DPF3: variants seen among roughly 807,000 people sequenced by gnomAD.
DPF3 encodes the protein zinc finger protein DPF3.
In DPF3, 18 loss-of-function variants were observed where a neutral mutation model predicts 56.8. That is an observed-to-expected ratio of 0.32 (90% CI 0.22 to 0.47). The LOEUF is 0.47. Ranked by LOEUF, DPF3 falls within the 20% of genes least tolerant of loss-of-function variation. The pLI, the probability that DPF3 is intolerant of heterozygous loss-of-function variation, is 1.00. For missense variants in DPF3, 403 were observed against 488.8 expected, an observed-to-expected ratio of 0.82 and a Z score of 1.65; for synonymous variants, 188 against 180.2, an observed-to-expected ratio of 1.04 and a Z score of -0.35.
intron 8 of DPF3, chr14:72,674,018 C>A (rs1215112170): frequency 3.2e-6 from 2 of 616,690 alleles, no homozygotes; most frequent in Non-Finnish European, 5.2e-6. Flanking sequence ...GACACAAACC[C>A]AAAACTTCTC....
chr14:72,806,816 G>C (rs1599458980), intron 1 of DPF3: 1 of 152,082 alleles, frequency 6.6e-6, no homozygotes, highest in African/African-American at 2.4e-5. Flanking sequence ...CTAAGTGGTG[G>C]GCTCCTGGAG....
At chr14:72,787,293 C>A (rs1252049310) in intron 1 of DPF3, among the ~76,000 whole-genome samples, 1 of 152,192 alleles carries the variant, frequency 6.6e-6, no homozygotes, top group Admixed American at 6.5e-5. Flanking sequence ...GCGGGTCTGC[C>A]CCTGTTAGGC....
intron 1 of DPF3, among the ~76,000 whole-genome samples, chr14:72,799,324 C>T (rs116634122): frequency 5.9e-4 from 90 of 152,314 alleles, no homozygotes; most frequent in African/African-American, 2.1e-3. Context: ...ACTCTACCCT[C>T]CAACTTCAGA....
intron 1 of DPF3, among the ~76,000 whole-genome samples, chr14:72,820,179 T>G (rs1480826053): frequency 6.6e-6 from 1 of 152,242 alleles, no homozygotes; most frequent in African/African-American, 2.4e-5. Flanking sequence ...TTAAAAGAAC[T>G]TTTTAAAAGT....
chr14:72,645,765 C>T (rs1300388684), intron 8 of DPF3, among the ~76,000 whole-genome samples: 3 of 152,174 alleles, frequency 2.0e-5, no homozygotes, highest in African/African-American at 7.2e-5. Flanking sequence ...AAGTATTTGC[C>T]ACATCCCACA....
intron 1 of DPF3, among the ~76,000 whole-genome samples, chr14:72,861,788 A>AAAGAAAGAAAGCAAGC (rs1567261286): frequency 1.3e-5 from 2 of 151,152 alleles, no homozygotes; most frequent in Admixed American, 1.3e-4. Context: ...AGAAAGAAAG[A>AAAGAAAGAAAGCAAGC]AAGAAAGAAA....
chr14:72,723,870 C>T (rs988658574), intron 4 of DPF3, 142 bp from the exon 5 acceptor site: 2 of 736,072 alleles, frequency 2.7e-6, no homozygotes, highest in East Asian at 2.9e-5. Context: ...CAGTTGGGCC[C>T]TCTGAAATGC....
chr14:72,613,283 G>A lies in DPF3; in HGVS notation c.*6014C>T, dbSNP rs188677402. On this transcript the variant is annotated 3_prime_UTR_variant, in exon 11 of 11. Transcript: ENST00000556509. ...CTGCCCTCCCGTCCCCACCATGGCC[G>A]CGTTTATTTGCTAGACAGGGTTGGT... 1.3e-3 allele frequency among the ~76,000 whole-genome samples: 198 copies of A among 152,198 alleles called. No homozygotes were observed. The highest frequency in any genetic ancestry group is 4.2e-3 in the African/African-American group (176 of 41,520).
intron 1 of DPF3, among the ~76,000 whole-genome samples, chr14:72,850,073 C>T (rs1050251608): frequency 6.6e-6 from 1 of 151,814 alleles, no homozygotes; most frequent in Non-Finnish European, 1.5e-5. Flanking sequence ...GAGCCGAGAT[C>T]ATACCACTGC....
At chr14:72,812,115 A>G (rs1883072741) in intron 1 of DPF3, among the ~76,000 whole-genome samples, 2 of 151,996 alleles carry the variant, frequency 1.3e-5, no homozygotes, top group Admixed American at 6.5e-5. Flanking sequence ...CATGTTAAAG[A>G]CCAAGTTAAA....
intron 5 of DPF3, among the ~76,000 whole-genome samples, chr14:72,718,656 T>C (rs1360143666): frequency 6.6e-6 from 1 of 152,080 alleles, no homozygotes; most frequent in Non-Finnish European, 1.5e-5. Flanking sequence ...ATGGCAAATA[T>C]CATTAGTGGT....
At chr14:72,780,078 G>A (rs752197812) in intron 1 of DPF3, among the ~76,000 whole-genome samples, 9 of 152,230 alleles carry the variant, frequency 5.9e-5, no homozygotes, top group Non-Finnish European at 1.2e-4. Flanking sequence ...GAGTGAATGA[G>A]TGAATGAATG....
intron 1 of DPF3, among the ~76,000 whole-genome samples, chr14:72,868,131 C>G (rs1286420881): frequency 6.6e-6 from 1 of 152,140 alleles, no homozygotes; most frequent in East Asian, 1.9e-4. Context: ...AGGTACTGAT[C>G]TTTTTTTAAA....
chr14:72,639,008 G>C (rs1052124461), intron 8 of DPF3, among the ~76,000 whole-genome samples: 1 of 151,970 alleles, frequency 6.6e-6, no homozygotes, highest in African/African-American at 2.4e-5. Flanking sequence ...TAGTAGAGAC[G>C]GGGTTTCACC....
At chr14:72,731,996 G>C in intron 3 of DPF3, 62 bp from the exon 4 acceptor site, 2 of 1,541,714 alleles carry the variant, frequency 1.3e-6, no homozygotes, top group East Asian at 2.5e-5. Context: ...AGGAGGGACA[G>C]TCCTGGAGGA....
Position 72,613,680 on chromosome 14 carries a change from A to C in DPF3, c.*5617T>G, listed in dbSNP as rs1449334781. Among the ~76,000 whole-genome samples the C allele has an allele frequency of 1.3e-5, 2 of 152,154 alleles. No individual in the cohort carries two copies. Among genetic ancestry groups the C allele is most frequent in the Non-Finnish European group, 2.9e-5 (2 of 68,014 alleles). On this transcript the variant is annotated 3_prime_UTR_variant, in exon 11 of 11. Transcript: ENST00000556509. ...TTCCCAGGAACCCACTCACTTCCAAATCTTTCCCCTCATGCAGGGAGTTCC... is the reference window on the plus strand; with the variant it reads ...TTCCCAGGAACCCACTCACTTCCAACTCTTTCCCCTCATGCAGGGAGTTCC...
Position 72,674,246 on chromosome 14 carries a change from G to T in DPF3, c.865C>A (p.Arg289Ser). The T allele has an allele frequency of 6.2e-7, 1 of 1,612,536 alleles. No individual in the cohort carries two copies. The highest frequency in any genetic ancestry group is 8.5e-7 in the Non-Finnish European group (1 of 1,179,394). The change falls in exon 8 of 11, where the codon CGC (arginine) becomes AGC (serine). Residue 289 changes from arginine (R) to serine (S), a missense_variant. Physicochemically the swap from Arg to Ser is moderately radical, Grantham distance 110. Around this residue, in one of 2 missense-constraint regions of DPF3, gnomAD observed 63 missense variants for 114.4 expected, o/e 0.55. Transcript: ENST00000556509. The stretch of plus-strand genomic sequence containing the variant: ...GGGAAGGGGCCACACTCACCAGAGC[G>T]TCCACAGTCTGCGCAGGACACCAGC... The part of the protein sequence containing the change: ...EELVSCADCG[R>S]SGHPTCLQFT...
chr14:72,650,429 T>C (rs893499637), intron 8 of DPF3, among the ~76,000 whole-genome samples: 2 of 152,120 alleles, frequency 1.3e-5, no homozygotes, highest in African/African-American at 4.8e-5. Context: ...GAGAGAACAC[T>C]CCACTCAGCC....
rs181805903 is a variant in DPF3 at position 72,823,914 on chromosome 14, T to C, written c.33-52021A>G. Among the ~76,000 whole-genome samples, 7 of 152,198 alleles carry C rather than the reference T, an allele frequency of 4.6e-5. No homozygotes were observed. In the East Asian group the frequency reaches 1.4e-3, roughly 29 times the overall value. ...AAAATGCTATGCTTCCTTCCAGCTG[T>C]AGGGAAGCTGAGCCACTGGGGAAGA... On this transcript the variant is annotated intron_variant, in intron 1 of 10. Transcript: ENST00000556509.
Sources: allele counts gnomAD v4.1 joint callset (sites outside exome capture counted in the v4.1 genomes callset), GRCh38; gene constraint gnomAD v4.1.1; regional missense constraint gnomAD v4.1.1; transcripts MANE v1.5; gene names NCBI Gene and HGNC (gene_info 2026-07-23, HGNC 2026-07-21).